Variants in ASIC2 observed in about 807,000 individuals in gnomAD.
ASIC2 encodes acid-sensing ion channel 2.
ASIC2 carries 25 observed loss-of-function variants against 57.3 expected under a neutral mutation model. That is an observed-to-expected ratio of 0.44 (90% CI 0.32 to 0.61). The LOEUF is 0.61. ASIC2 is among the 20% of genes least tolerant of loss of function. ASIC2 has a pLI of 0.06. For missense variants in ASIC2, 641 were observed against 738.1 expected, an observed-to-expected ratio of 0.87 and a Z score of 1.52; for synonymous variants, 319 against 307.5, an observed-to-expected ratio of 1.04 and a Z score of -0.39.
At chr17:33,276,702 A>T (rs1316431568) in intron 1 of ASIC2, among the ~76,000 whole-genome samples, 2 of 152,226 alleles carry the variant, frequency 1.3e-5, no homozygotes, top group Admixed American at 1.3e-4. Context: ...TATCATATAA[A>T]GACAAAGGAA....
chr17:33,152,743 C>T (rs539423995), intron 1 of ASIC2, among the ~76,000 whole-genome samples: 1 of 152,292 alleles, frequency 6.6e-6, no homozygotes, highest in South Asian at 2.1e-4. Context: ...AACAGAATTC[C>T]CTGTACATCA....
intron 1 of ASIC2, among the ~76,000 whole-genome samples, chr17:33,359,395 C>A (rs1025724931): frequency 2.2e-4 from 34 of 152,120 alleles, no homozygotes; most frequent in Non-Finnish European, 3.1e-4. Context: ...AAGAAGGATT[C>A]GATCTTAGAA....
chr17:34,131,491 C>T (rs566254723), intron 1 of ASIC2, among the ~76,000 whole-genome samples: 41 of 152,262 alleles, frequency 2.7e-4, no homozygotes, highest in African/African-American at 8.9e-4. Flanking sequence ...GGTTTCTGCC[C>T]CCAGCTCAGC....
chr17:33,365,347 T>C (rs1330926069), intron 1 of ASIC2, among the ~76,000 whole-genome samples: 1 of 152,010 alleles, frequency 6.6e-6, no homozygotes. Flanking sequence ...GCCTCTTTCA[T>C]GAGAATGCAA....
chr17:34,047,197 C>T (rs1597992332), intron 1 of ASIC2, among the ~76,000 whole-genome samples: 1 of 152,270 alleles, frequency 6.6e-6, no homozygotes, highest in Non-Finnish European at 1.5e-5. Context: ...CAGGGCTACC[C>T]ATTCACACAT....
intron 1 of ASIC2, among the ~76,000 whole-genome samples, chr17:33,849,254 A>G (rs1369777843): frequency 1.3e-5 from 2 of 152,204 alleles, no homozygotes; most frequent in Non-Finnish European, 2.9e-5. Context: ...ACAGAGGGCC[A>G]TGAGAACCCA....
chr17:33,220,514 C>T (rs901229159), intron 1 of ASIC2, among the ~76,000 whole-genome samples: 8 of 152,194 alleles, frequency 5.3e-5, no homozygotes, highest in African/African-American at 1.9e-4. Flanking sequence ...AATCCTGGAT[C>T]TCCTAACTAT....
At chr17:33,103,509 C>A (rs1235419429) in intron 2 of ASIC2, among the ~76,000 whole-genome samples, 1 of 152,122 alleles carries the variant, frequency 6.6e-6, no homozygotes, top group East Asian at 1.9e-4. Flanking sequence ...TTTAGTGGGT[C>A]CCCTCAAATG....
chr17:33,821,058 C>G (rs1388400644), intron 1 of ASIC2, among the ~76,000 whole-genome samples: 1 of 152,132 alleles, frequency 6.6e-6, no homozygotes, highest in Non-Finnish European at 1.5e-5. Context: ...AAAGCACGCA[C>G]TTTTTCTGAT....
chr17:33,579,002 A>G (rs1916754194), intron 1 of ASIC2, among the ~76,000 whole-genome samples: 1 of 152,060 alleles, frequency 6.6e-6, no homozygotes, highest in Non-Finnish European at 1.5e-5. Context: ...ATGCAGGTTA[A>G]TGGTCAGGTG....
intron 1 of ASIC2, among the ~76,000 whole-genome samples, chr17:33,301,368 A>G (rs1261327441): frequency 6.6e-6 from 1 of 152,162 alleles, no homozygotes; most frequent in East Asian, 1.9e-4. Flanking sequence ...TCTTCACAGC[A>G]ACTCTATGAA....
chr17:33,293,033 T>C lies in ASIC2; in HGVS notation c.-918A>G, dbSNP rs1905569401. Reference sequence around the variant, plus strand: ...CCCAGCCTTGCTGTCTCTCGCGTCTTCTCTCTGCCCCCGCGGCGACAAGAG... The same window carrying C: ...CCCAGCCTTGCTGTCTCTCGCGTCTCCTCTCTGCCCCCGCGGCGACAAGAG... On this transcript the variant is annotated 5_prime_UTR_variant, in exon 1 of 10. Transcript: ENST00000225823. 5.1e-6 allele frequency: 5 copies of C among 985,380 alleles called. No homozygotes were observed. In the South Asian group the frequency reaches 1.9e-4, roughly 37 times the overall value. 61.0% of individuals were successfully genotyped at this position (985,380 alleles called of 1,614,324 possible). A position where few individuals can be genotyped will look rare whatever the true frequency, so the allele number is the denominator to read the frequency against.
intron 1 of ASIC2, among the ~76,000 whole-genome samples, chr17:33,972,343 TACTC>T (rs1024893898): frequency 2.0e-5 from 3 of 152,160 alleles, no homozygotes; most frequent in African/African-American, 7.2e-5. Flanking sequence ...GATAGAAAAA[TACTC>T]ACATCCAGTC....
intron 1 of ASIC2, among the ~76,000 whole-genome samples, chr17:33,392,403 A>G (rs1909934900): frequency 6.6e-6 from 1 of 152,016 alleles, no homozygotes; most frequent in Admixed American, 6.6e-5. Context: ...AACAAGGACT[A>G]CAGGTGCCCA....
chr17:33,560,507 A>G (rs1008883634), intron 1 of ASIC2, among the ~76,000 whole-genome samples: 1 of 152,234 alleles, frequency 6.6e-6, no homozygotes, highest in African/African-American at 2.4e-5. Flanking sequence ...TTGGGCAGCA[A>G]TGTATCTAGG....
At chr17:33,336,872 T>A (rs1220341011) in intron 1 of ASIC2, among the ~76,000 whole-genome samples, 1 of 152,158 alleles carries the variant, frequency 6.6e-6, no homozygotes, top group African/African-American at 2.4e-5. Flanking sequence ...GGGTCAGCTT[T>A]GTCAATGCGC....
At chr17:33,633,976 C>T (rs1468832900) in intron 1 of ASIC2, among the ~76,000 whole-genome samples, 1 of 152,164 alleles carries the variant, frequency 6.6e-6, no homozygotes, top group Non-Finnish European at 1.5e-5. Flanking sequence ...ATCTGTGTCC[C>T]AGGATCCTGC....
intron 1 of ASIC2, among the ~76,000 whole-genome samples, chr17:34,067,746 G>A (rs2189326): frequency 0.87 from 132,683 of 152,164 alleles, 57,995 homozygotes; most frequent in South Asian, 0.9. Flanking sequence ...TCTTTAAATG[G>A]CTAACGTGGA....
At chr17:34,105,210 ATC>A (rs1180214038) in intron 1 of ASIC2, among the ~76,000 whole-genome samples, 3 of 152,002 alleles carry the variant, frequency 2.0e-5, no homozygotes, top group African/African-American at 7.2e-5. Flanking sequence ...TGCTCATTTC[ATC>A]TGAATTGTAG....
Sources: gnomAD v4.1 joint callset for allele counts (sites outside exome capture counted in the v4.1 genomes callset) on GRCh38, gnomAD v4.1.1 for gene constraint, MANE v1.5 for transcripts, NCBI Gene and HGNC (gene_info 2026-07-23, HGNC 2026-07-21) for gene names.